RPTOR: variants seen among roughly 807,000 people sequenced by gnomAD.
The protein encoded by RPTOR is regulatory-associated protein of mTOR.
Under a neutral mutation model 169.9 loss-of-function variants are expected in RPTOR, and 21 were observed. The ratio of observed to expected loss-of-function variants is 0.12; its 90% CI spans 0.09 to 0.18. RPTOR has a LOEUF of 0.18. RPTOR is among the 10% of genes least tolerant of loss of function. The pLI, the probability that RPTOR is intolerant of heterozygous loss-of-function variation, is 1.00. For synonymous variants in RPTOR, 732 were observed against 753.2 expected (o/e 0.97, Z 0.46); for missense variants, 1,133 against 1,855.9 (o/e 0.61, Z 7.16).
At chr17:80,744,484 C>G (rs371378957) in intron 5 of RPTOR, among the ~76,000 whole-genome samples, 3 of 95,846 alleles carry the variant, frequency 3.1e-5, no homozygotes, top group South Asian at 3.0e-4. Flanking sequence ...GTTACTAGCA[C>G]AGCCCTGGCT....
chr17:80,692,704 C>G (rs2066003361), intron 3 of RPTOR, among the ~76,000 whole-genome samples: 2 of 151,932 alleles, frequency 1.3e-5, no homozygotes, highest in Admixed American at 1.3e-4. Flanking sequence ...CTCAAGTGAT[C>G]CTCCTGCCTC....
At chr17:80,819,653 T>C (rs1338846912) in intron 7 of RPTOR, among the ~76,000 whole-genome samples, 1 of 152,160 alleles carries the variant, frequency 6.6e-6, no homozygotes, top group Non-Finnish European at 1.5e-5. Flanking sequence ...TTACATGTGG[T>C]AAAGAAGGTA....
chr17:80,760,061 A>G (rs1365609847), intron 6 of RPTOR, among the ~76,000 whole-genome samples: 1 of 152,106 alleles, frequency 6.6e-6, no homozygotes, highest in Middle Eastern at 3.2e-3. Flanking sequence ...TTGAAGTTCC[A>G]TGTTTTATTT....
At position 80,820,976 on chromosome 17, in the gene RPTOR, G is replaced by A. The variant is rs891904351; in HGVS notation, c.891-1225G>A. ...ATCTTTGTTTGAGACTTCCGGCATTGTTTGAGCAGCAGTGCTGCTTTAGAA... is the reference window on the plus strand; with the variant it reads ...ATCTTTGTTTGAGACTTCCGGCATTATTTGAGCAGCAGTGCTGCTTTAGAA... On this transcript the variant is annotated intron_variant, in intron 7 of 33. Transcript: ENST00000306801. This position sits in a 1 kb window ranked among gnomAD's most constrained non-coding sequence, Gnocchi z 4.1. 3.3e-5 allele frequency among the ~76,000 whole-genome samples: 5 copies of A among 152,242 alleles called. No individual in the cohort carries two copies. Among genetic ancestry groups the A allele is most frequent in the African/African-American group, 1.2e-4 (5 of 41,456 alleles).
chr17:80,794,075 G>GA (rs1020841186), intron 7 of RPTOR, among the ~76,000 whole-genome samples: 6 of 151,914 alleles, frequency 3.9e-5, no homozygotes, highest in South Asian at 2.1e-4. Flanking sequence ...ATTCACAAAA[G>GA]AAAAAAAATT....
chr17:80,903,433 C>T (rs966464051), intron 20 of RPTOR, among the ~76,000 whole-genome samples: 3 of 152,378 alleles, frequency 2.0e-5, no homozygotes, highest in South Asian at 2.1e-4. Flanking sequence ...AGAACAGTGG[C>T]GGCCCCTGCA....
Position 80,636,241 on chromosome 17 carries a change from C to T in RPTOR, c.266-7487C>T, listed in dbSNP as rs541363572. On this transcript the variant is annotated intron_variant, in intron 2 of 33. Transcript: ENST00000306801. ...TGGTGCAGAGACTGGTCCTCACCTC[C>T]GCCGCCCCAACTCTAGTCCCTACTT... Among the ~76,000 whole-genome samples the T allele has an allele frequency of 1.4e-4, 22 of 152,098 alleles. 1 individual carries two copies. Among genetic ancestry groups the T allele is most frequent in the Admixed American group, 7.8e-4 (12 of 15,288 alleles).
chr17:80,787,932 G>A (rs7224758), intron 6 of RPTOR, among the ~76,000 whole-genome samples: 38,575 of 151,882 alleles, frequency 0.25, 7,102 homozygotes, highest in African/African-American at 0.53. Context: ...TTTCATTTTA[G>A]GACGACTACA....
chr17:80,905,017 G>A (rs778898675), intron 20 of RPTOR, among the ~76,000 whole-genome samples: 20 of 151,814 alleles, frequency 1.3e-4, no homozygotes, highest in Middle Eastern at 3.4e-3. Flanking sequence ...CTCGGTACGC[G>A]TGGGGGACTC....
chr17:80,719,702 C>T (rs1251399010), intron 4 of RPTOR, among the ~76,000 whole-genome samples: 3 of 152,054 alleles, frequency 2.0e-5, no homozygotes, highest in Non-Finnish European at 2.9e-5. Flanking sequence ...AGCAGGGGGT[C>T]GTGGCCCCGA....
At chr17:80,858,202 T>C (rs566791515) in intron 13 of RPTOR, 1 of 407,182 alleles carries the variant, frequency 2.5e-6, no homozygotes, top group African/African-American at 2.0e-5. Context: ...CCCCTGCCTG[T>C]GTCTGACCCC....
At chr17:80,804,817 G>A (rs948935594) in intron 7 of RPTOR, 1 of 152,292 alleles carries the variant, frequency 6.6e-6, no homozygotes, top group African/African-American at 2.4e-5. Context: ...TCTGAGGAAA[G>A]TGGCATGAGT....
chr17:80,959,049 A>T lies in RPTOR; in HGVS notation c.3478-1029A>T, dbSNP rs1288620459. Reference sequence around the variant, plus strand: ...GCTGCCGTAGAGGGCGGTGTGGAGCAGGCCCAGCAGAGGGGAGGCCTGGGC... The same window carrying T: ...GCTGCCGTAGAGGGCGGTGTGGAGCTGGCCCAGCAGAGGGGAGGCCTGGGC... On this transcript the variant is annotated intron_variant, in intron 29 of 33. Coordinates refer to ENST00000306801, the MANE Select transcript of RPTOR (RefSeq NM_020761.3). This position sits in a 1 kb window ranked among gnomAD's most constrained non-coding sequence, Gnocchi z 6.7. Among the ~76,000 whole-genome samples the T allele has an allele frequency of 6.6e-6, 1 of 152,218 alleles. No homozygotes were observed. The highest frequency in any genetic ancestry group is 1.5e-5 in the Non-Finnish European group (1 of 68,030).
intron 6 of RPTOR, among the ~76,000 whole-genome samples, chr17:80,776,931 G>A (rs1721381069): frequency 6.6e-6 from 1 of 152,138 alleles, no homozygotes; most frequent in African/African-American, 2.4e-5. Flanking sequence ...CAAGTGCTGA[G>A]TTATTGATCA....
rs55799319 is a variant in RPTOR at position 80,695,111 on chromosome 17, A to T, written c.349-12730A>T. ...AGGGTTACTGAACCTCTCTGTGCCC[A>T]GCCTCCTGTTTGTGAGGCAGGAGCG... On this transcript the variant is annotated intron_variant, in intron 3 of 33. Coordinates refer to ENST00000306801, the MANE Select transcript of RPTOR (RefSeq NM_020761.3). The surrounding 1 kb of genome is among the most constrained non-coding windows in gnomAD (Gnocchi z 4.9). Among the ~76,000 whole-genome samples, 13,710 of 152,096 alleles carry T rather than the reference A, an allele frequency of 0.09. 697 individuals carry two copies. Among genetic ancestry groups the T allele is most frequent in the African/African-American group, 0.14 (5,690 of 41,478 alleles).
intron 7 of RPTOR, among the ~76,000 whole-genome samples, chr17:80,814,330 G>C (rs975484817): frequency 2.0e-4 from 30 of 152,144 alleles, no homozygotes; most frequent in African/African-American, 7.2e-4. Flanking sequence ...TCTCCAGCAT[G>C]CCGGGATAAC....
intron 2 of RPTOR, among the ~76,000 whole-genome samples, chr17:80,636,419 C>T (rs962458580): frequency 2.8e-4 from 42 of 152,250 alleles, no homozygotes; most frequent in African/African-American, 9.9e-4. Flanking sequence ...ATGTATTTCA[C>T]GCAGTTCTGG....
intron 31 of RPTOR, 37 bp downstream of exon 31, chr17:80,961,517 A>G: frequency 1.3e-6 from 2 of 1,535,444 alleles, no homozygotes; most frequent in East Asian, 2.5e-5. Flanking sequence ...GTTCTGCTGT[A>G]AAAACATTAT....
intron 6 of RPTOR, among the ~76,000 whole-genome samples, chr17:80,786,558 C>A (rs1014009137): frequency 6.6e-6 from 1 of 152,192 alleles, no homozygotes; most frequent in South Asian, 2.1e-4. Flanking sequence ...CAGAGTGACA[C>A]CGGCACTGCC....
Sources: allele counts gnomAD v4.1 joint callset (sites outside exome capture counted in the v4.1 genomes callset), GRCh38; gene constraint gnomAD v4.1.1; non-coding constraint Gnocchi (gnomAD v3.1); transcripts MANE v1.5; gene names NCBI Gene and HGNC (gene_info 2026-07-23, HGNC 2026-07-21).